ABTB3: variants seen among roughly 807,000 people sequenced by gnomAD.
The protein encoded by ABTB3 is ankyrin repeat- and BTB/POZ domain-containing protein 3.
the ABTB3 span, among the ~76,000 whole-genome samples, chr12:107,511,580 G>C: frequency 3.9e-5 from 6 of 152,034 alleles, no homozygotes; most frequent in Admixed American, 1.3e-4. Context: ...GTGGCGGCAG[G>C]GTTCTAAGAG....
the ABTB3 span, among the ~76,000 whole-genome samples, chr12:107,473,665 C>T: frequency 6.6e-6 from 1 of 152,134 alleles, no homozygotes; most frequent in East Asian, 1.9e-4. Flanking sequence ...ATGCAGTATG[C>T]AGTCTTCTGT....
At chr12:107,505,403 A>C in the ABTB3 span, among the ~76,000 whole-genome samples, 19 of 152,134 alleles carry the variant, frequency 1.2e-4, no homozygotes, top group African/African-American at 4.6e-4. Context: ...GTGGGATAAA[A>C]TAGGAGATAT....
At chr12:107,646,868 C>G in the ABTB3 span, among the ~76,000 whole-genome samples, 1 of 151,244 alleles carries the variant, frequency 6.6e-6, no homozygotes, top group African/African-American at 2.4e-5. Context: ...AGGAGGCGCC[C>G]CACTGCAGAT....
the ABTB3 span, among the ~76,000 whole-genome samples, chr12:107,491,845 C>T: frequency 1.3e-5 from 2 of 150,598 alleles, no homozygotes; most frequent in African/African-American, 2.4e-5. Context: ...AAAAAAAACC[C>T]GGTTGAACCC....
the ABTB3 span, among the ~76,000 whole-genome samples, chr12:107,648,515 C>T: frequency 1.3e-5 from 2 of 152,058 alleles, no homozygotes; most frequent in East Asian, 3.9e-4. Flanking sequence ...ATCCACGGGC[C>T]CCATTCCATT....
chr12:107,319,768 G>T, the ABTB3 span: 2 of 1,480,364 alleles, frequency 1.4e-6, no homozygotes, highest in East Asian at 2.8e-5. Flanking sequence ...GCCCGAGCTC[G>T]GGCCCTGGTG....
At chr12:107,397,105 C>G in the ABTB3 span, among the ~76,000 whole-genome samples, 1 of 152,236 alleles carries the variant, frequency 6.6e-6, no homozygotes, top group African/African-American at 2.4e-5. Flanking sequence ...CTGTGCCTCC[C>G]CTTGGAACCC....
chr12:107,469,232 T>C, the ABTB3 span, among the ~76,000 whole-genome samples: 1 of 152,136 alleles, frequency 6.6e-6, no homozygotes, highest in South Asian at 2.1e-4. Context: ...AGAATGTGTG[T>C]TTCCTGTGGG....
At chr12:107,640,350 C>T in the ABTB3 span, 1 of 1,598,780 alleles carries the variant, frequency 6.3e-7, no homozygotes, top group Non-Finnish European at 8.5e-7. Flanking sequence ...TCTGATGTTA[C>T]ATTTCTGGTA....
chr12:107,561,784 C>T, the ABTB3 span, among the ~76,000 whole-genome samples: 1 of 152,194 alleles, frequency 6.6e-6, no homozygotes, highest in Non-Finnish European at 1.5e-5. Flanking sequence ...CCCCCTCTTA[C>T]TCCTTAAGCT....
At chr12:107,633,288 C>T in the ABTB3 span, among the ~76,000 whole-genome samples, 1 of 152,182 alleles carries the variant, frequency 6.6e-6, no homozygotes, top group Non-Finnish European at 1.5e-5. Flanking sequence ...AAAGTGGGCC[C>T]TCACCAAACA....
the ABTB3 span, among the ~76,000 whole-genome samples, chr12:107,445,447 T>C: frequency 6.6e-6 from 1 of 151,986 alleles, no homozygotes; most frequent in Admixed American, 6.5e-5. Flanking sequence ...TATTCACTGG[T>C]TTATTCACTT....
the ABTB3 span, among the ~76,000 whole-genome samples, chr12:107,616,609 G>A: frequency 6.6e-5 from 10 of 152,160 alleles, no homozygotes; most frequent in African/African-American, 1.9e-4. Context: ...GTGGGGCCCC[G>A]GGAGACCCCC....
chr12:107,640,481 G>A, the ABTB3 span: 1 of 1,054,986 alleles, frequency 9.5e-7, no homozygotes, highest in Admixed American at 2.3e-5. Flanking sequence ...ATTTTTTGAA[G>A]TTCAATTTTG....
chr12:107,651,838 G>A, the ABTB3 span: 1 of 1,512,602 alleles, frequency 6.6e-7, no homozygotes, highest in Non-Finnish European at 9.2e-7. Context: ...CTGAAGCCGG[G>A]GAGGCTTTTC....
chr12:107,329,899 A>C, the ABTB3 span, among the ~76,000 whole-genome samples: 1 of 152,240 alleles, frequency 6.6e-6, no homozygotes, highest in Non-Finnish European at 1.5e-5. Context: ...AGAATTATGC[A>C]GATGTAAATT....
the ABTB3 span, among the ~76,000 whole-genome samples, chr12:107,618,732 TC>T: frequency 6.6e-6 from 1 of 152,230 alleles, no homozygotes; most frequent in Non-Finnish European, 1.5e-5. Context: ...GGCTCTGCTG[TC>T]GAGGGTCTGG....
the ABTB3 span, among the ~76,000 whole-genome samples, chr12:107,379,792 TAGA>T: frequency 1.3e-5 from 2 of 152,208 alleles, no homozygotes; most frequent in African/African-American, 4.8e-5. Context: ...CAGAGCCCTC[TAGA>T]AGAACAAGGG....
At chr12:107,388,269 G>A in the ABTB3 span, among the ~76,000 whole-genome samples, 11 of 151,884 alleles carry the variant, frequency 7.2e-5, no homozygotes, top group Admixed American at 6.6e-4. Flanking sequence ...ACCGCACCCG[G>A]CCCTTCTTCT....
Sources: allele counts gnomAD v4.1 joint callset (sites outside exome capture counted in the v4.1 genomes callset), GRCh38; gene constraint gnomAD v4.1.1; transcripts MANE v1.5; gene names NCBI Gene and HGNC (gene_info 2026-07-23, HGNC 2026-07-21).